Variants in FHIT observed in about 807,000 individuals in gnomAD.
The protein encoded by FHIT is fragile histidine triad diadenosine triphosphatase.
FHIT carries 19 observed loss-of-function variants against 17.9 expected under a neutral mutation model. That is an observed-to-expected ratio of 1.06 (90% CI 0.74 to 1.56). The LOEUF (loss-of-function observed/expected upper bound fraction) is 1.56. Ranked by LOEUF, FHIT falls within the 40% of genes most tolerant of loss-of-function variation. FHIT has a pLI of 0.00. For missense variants in FHIT, 248 were observed against 189.2 expected (o/e 1.31, Z -1.82); for synonymous variants, 81 against 69.7 (o/e 1.16, Z -0.81).
intron 5 of FHIT, among the ~76,000 whole-genome samples, chr3:60,142,236 T>C (rs559232803): frequency 1.4e-4 from 21 of 152,162 alleles, no homozygotes; most frequent in African/African-American, 4.6e-4. Context: ...TTACATAAAC[T>C]GCATCTGTTT....
At chr3:61,023,397 T>C (rs1038487219) in intron 3 of FHIT, among the ~76,000 whole-genome samples, 1 of 152,100 alleles carries the variant, frequency 6.6e-6, no homozygotes, top group Non-Finnish European at 1.5e-5. Context: ...AAAATCAATA[T>C]TGTGAAAATG....
chr3:60,851,508 C>T (rs532914228), intron 3 of FHIT, among the ~76,000 whole-genome samples: 2 of 152,252 alleles, frequency 1.3e-5, no homozygotes, highest in South Asian at 2.1e-4. Context: ...TTGAGGGGAA[C>T]GTCTAACAGA....
At chr3:59,865,125 A>C (rs1702585099) in intron 8 of FHIT, among the ~76,000 whole-genome samples, 1 of 152,202 alleles carries the variant, frequency 6.6e-6, no homozygotes, top group South Asian at 2.1e-4. Flanking sequence ...AATTTCATTT[A>C]AAAAAAGAAA....
At chr3:61,083,086 G>A (rs892860778) in intron 2 of FHIT, among the ~76,000 whole-genome samples, 2 of 152,126 alleles carry the variant, frequency 1.3e-5, no homozygotes, top group Non-Finnish European at 2.9e-5. Flanking sequence ...AGCTAGTGAT[G>A]TCTTTAGTTC....
chr3:60,725,836 A>G (rs1343806967), intron 4 of FHIT, among the ~76,000 whole-genome samples: 3 of 152,164 alleles, frequency 2.0e-5, no homozygotes, highest in African/African-American at 7.2e-5. Flanking sequence ...TTTAAGCACT[A>G]CACATGCTTT....
chr3:60,170,583 T>C (rs1370772062), intron 5 of FHIT, among the ~76,000 whole-genome samples: 1 of 152,148 alleles, frequency 6.6e-6, no homozygotes, highest in African/African-American at 2.4e-5. Context: ...TTCAAATTAT[T>C]GTTCAATAAT....
Position 60,137,349 on chromosome 3 carries a change from A to G in FHIT, c.104-123197T>C, listed in dbSNP as rs376831464. Among the ~76,000 whole-genome samples, 6 of 152,334 alleles carry G rather than the reference A, an allele frequency of 3.9e-5. No homozygotes were observed. In the South Asian group the frequency reaches 8.3e-4, roughly 21 times the overall value. On this transcript the variant is annotated intron_variant, in intron 5 of 9. Coordinates refer to ENST00000492590, the MANE Select transcript of FHIT (RefSeq NM_002012.4). ...GGTGAGAGTCCCCCAGGAACACACAATGCATTTTTACAAGAGCTTCTAAAG... is the reference window on the plus strand; with the variant it reads ...GGTGAGAGTCCCCCAGGAACACACAGTGCATTTTTACAAGAGCTTCTAAAG...
rs782443725 is a variant in FHIT at position 60,824,995 on chromosome 3, TG to T, written c.-110-2985del. 8.2e-4 allele frequency among the ~76,000 whole-genome samples: 125 copies of T among 152,288 alleles called. 2 individuals carry two copies. The highest frequency in any genetic ancestry group is 1.9e-4 in the East Asian group (1 of 5,184). On this transcript the variant is annotated intron_variant, in intron 3 of 9. Coordinates refer to ENST00000492590, the MANE Select transcript of FHIT (RefSeq NM_002012.4). ...ATGAGGAAAATGCAAATGAAAATAATGGGATTCTACTTTATTTCTATCAGAC... is the reference window on the plus strand; with the variant it reads ...ATGAGGAAAATGCAAATGAAAATAATGGATTCTACTTTATTTCTATCAGAC...
chr3:60,330,155 C>A (rs986070886), intron 5 of FHIT, among the ~76,000 whole-genome samples: 4 of 152,140 alleles, frequency 2.6e-5, no homozygotes, highest in African/African-American at 9.7e-5. Context: ...CTGTGTTTTA[C>A]AAACAACTGG....
At chr3:59,857,573 C>T (rs1488898785) in intron 8 of FHIT, among the ~76,000 whole-genome samples, 1 of 152,054 alleles carries the variant, frequency 6.6e-6, no homozygotes, top group Admixed American at 6.5e-5. Flanking sequence ...CCTAGAGAAA[C>T]TTACATATCG....
intron 5 of FHIT, among the ~76,000 whole-genome samples, chr3:60,161,529 C>T (rs1700939409): frequency 6.6e-6 from 1 of 152,098 alleles, no homozygotes; most frequent in African/African-American, 2.4e-5. Flanking sequence ...GTGACTTAGT[C>T]ATCAAGAAAG....
intron 5 of FHIT, among the ~76,000 whole-genome samples, chr3:60,133,518 T>C (rs1440901517): frequency 2.0e-5 from 3 of 152,118 alleles, no homozygotes; most frequent in Admixed American, 6.6e-5. Flanking sequence ...ATGTGATTCA[T>C]AAATAAATCA....
intron 4 of FHIT, among the ~76,000 whole-genome samples, chr3:60,719,460 C>T (rs1210996295): frequency 6.6e-6 from 1 of 152,158 alleles, no homozygotes; most frequent in Non-Finnish European, 1.5e-5. Context: ...CTTTCAGGAG[C>T]TGTAGAGTTT....
intron 5 of FHIT, among the ~76,000 whole-genome samples, chr3:60,085,354 G>T (rs181196493): frequency 6.6e-6 from 1 of 151,898 alleles, no homozygotes; most frequent in Non-Finnish European, 1.5e-5. Flanking sequence ...CTTTGCTTGG[G>T]TTTTTTTCCA....
intron 5 of FHIT, among the ~76,000 whole-genome samples, chr3:60,200,229 G>T (rs142974652): frequency 6.6e-6 from 1 of 152,274 alleles, no homozygotes; most frequent in South Asian, 2.1e-4. Context: ...ACGTGCTAAT[G>T]AGAGTTCTGT....
At chr3:60,235,231 G>GTTTTTT (rs375274237) in intron 5 of FHIT, among the ~76,000 whole-genome samples, 14 of 147,292 alleles carry the variant, frequency 9.5e-5, no homozygotes, top group South Asian at 4.3e-4. Context: ...GCTTTTGTTT[G>GTTTTTT]TTGTTTTTTT....
At chr3:59,981,219 G>A (rs1293088295) in intron 7 of FHIT, among the ~76,000 whole-genome samples, 4 of 152,144 alleles carry the variant, frequency 2.6e-5, no homozygotes, top group African/African-American at 9.7e-5. Flanking sequence ...CTATGCTTTA[G>A]ATTATTCCTG....
At chr3:60,670,966 A>C (rs551486836) in intron 4 of FHIT, among the ~76,000 whole-genome samples, 2 of 152,334 alleles carry the variant, frequency 1.3e-5, no homozygotes, top group East Asian at 3.9e-4. Flanking sequence ...AAAATACAAT[A>C]TTATATAGAA....
chr3:61,200,349 T>C (rs1269265932), intron 2 of FHIT, among the ~76,000 whole-genome samples: 1 of 152,220 alleles, frequency 6.6e-6, no homozygotes, highest in African/African-American at 2.4e-5. Flanking sequence ...TAAACTTAGC[T>C]CCATTGGAAT....
Sources: allele counts gnomAD v4.1 joint callset (sites outside exome capture counted in the v4.1 genomes callset), GRCh38; gene constraint gnomAD v4.1.1; transcripts MANE v1.5; gene names NCBI Gene and HGNC (gene_info 2026-07-23, HGNC 2026-07-21).